EFL1: variants seen among roughly 807,000 people sequenced by gnomAD.
EFL1 encodes the protein elongation factor-like GTPase 1.
A neutral mutation model predicts 126.7 loss-of-function variants in EFL1; 76 were observed. The observed-to-expected ratio is 0.60, with a 90% CI of 0.50 to 0.73. EFL1 has a LOEUF of 0.73. Among genes scored for constraint, EFL1 ranks in the 30% least tolerant of loss-of-function variants. EFL1 has a pLI of 0.00. For synonymous variants in EFL1, 410 were observed against 448.4 expected (o/e 0.91, Z 1.08); for missense variants, 1,128 against 1,343.2 (o/e 0.84, Z 2.50).
chr15:82,235,513 C>A (rs1331671807), intron 7 of EFL1, among the ~76,000 whole-genome samples: 3 of 151,910 alleles, frequency 2.0e-5, no homozygotes, highest in Admixed American at 6.6e-5. Context: ...TATATAAAAT[C>A]TATAAAGAAA....
At chr15:82,174,966 A>G (rs2141253612) in intron 15 of EFL1, among the ~76,000 whole-genome samples, 1 of 152,366 alleles carries the variant, frequency 6.6e-6, no homozygotes, top group Admixed American at 6.5e-5. Context: ...ACAGTTGCTG[A>G]AAGAATATGT....
chr15:82,220,001 A>C lies in EFL1; in HGVS notation c.1444+77T>G, dbSNP rs1002261826. 7 of 1,515,240 alleles carry C rather than the reference A, an allele frequency of 4.6e-6. No individual in the cohort carries two copies. The African/African-American group carries it at 8.4e-5, about 18-fold the overall frequency. 93.9% of individuals were successfully genotyped at this position (1,515,240 alleles called of 1,614,324 possible). Reference sequence around the variant, plus strand: ...CTACGATTAAAGCTTAAAAATCTCAAGAACTAAAGGATGAGTGTCCCAAGT... The same window carrying C: ...CTACGATTAAAGCTTAAAAATCTCACGAACTAAAGGATGAGTGTCCCAAGT... On this transcript the variant is annotated intron_variant, in intron 13 of 19. Transcript: ENST00000268206.
At position 82,211,595 on chromosome 15, in the gene EFL1, G is replaced by GACACACACACACACACAC. The variant is rs10543301; in HGVS notation, c.1750+3104_1750+3121dup. Among the ~76,000 whole-genome samples the GACACACACACACACACAC allele has an allele frequency of 1.5e-3, 155 of 105,796 alleles. 9 individuals carry two copies. The East Asian group carries it at 0.02, about 14-fold the overall frequency. The allele number at this position is 105,796 out of a possible 152,430, so 69.4% of individuals were successfully genotyped here. A position where few individuals can be genotyped will look rare whatever the true frequency, so the allele number is the denominator to read the frequency against. ...ACACACACACACTAGACACATACTA[G>GACACACACACACACACAC]ACACACACACACACACACACACACT... On this transcript the variant is annotated intron_variant, in intron 15 of 19. Coordinates refer to ENST00000268206, the MANE Select transcript of EFL1 (RefSeq NM_024580.6).
At chr15:82,244,295 GT>G (rs2141330316) in intron 4 of EFL1, among the ~76,000 whole-genome samples, 1 of 152,216 alleles carries the variant, frequency 6.6e-6, no homozygotes, top group Admixed American at 6.5e-5. Flanking sequence ...TTTTGCGTGT[GT>G]GTGATCAAAT....
intron 19 of EFL1, 126 bp downstream of exon 19, chr15:82,138,532 T>A (rs2073749338): frequency 9.2e-7 from 1 of 1,085,724 alleles, no homozygotes. Flanking sequence ...TCCTGTCCAT[T>A]TGACTGAGTT....
intron 15 of EFL1, among the ~76,000 whole-genome samples, chr15:82,205,206 T>G (rs2074512122): frequency 6.6e-6 from 1 of 152,132 alleles, no homozygotes; most frequent in Admixed American, 6.6e-5. Flanking sequence ...CTCAAGACAG[T>G]CTTATATTTC....
At chr15:82,147,627 G>GAAAAAAAA (rs375857086) in intron 18 of EFL1, among the ~76,000 whole-genome samples, 3 of 83,962 alleles carry the variant, frequency 3.6e-5, no homozygotes, top group Admixed American at 2.9e-4. Context: ...GGGCAATAGT[G>GAAAAAAAA]AAAAAAAAAA....
intron 15 of EFL1, among the ~76,000 whole-genome samples, chr15:82,196,958 G>A (rs977933358): frequency 6.6e-6 from 1 of 151,754 alleles, no homozygotes; most frequent in African/African-American, 2.4e-5. Flanking sequence ...TTTCAACCCA[G>A]GAGTCAGAGA....
intron 15 of EFL1, among the ~76,000 whole-genome samples, chr15:82,164,826 G>A (rs1260865369): frequency 1.3e-5 from 2 of 151,844 alleles, no homozygotes; most frequent in Non-Finnish European, 2.9e-5. Context: ...GAACCTGGGA[G>A]GCGGGGGATG....
chr15:82,258,911 C>T (rs766750537), intron 3 of EFL1, among the ~76,000 whole-genome samples, 177 bp downstream of exon 3: 4 of 152,188 alleles, frequency 2.6e-5, no homozygotes, highest in Non-Finnish European at 4.4e-5. Flanking sequence ...CAAAGCAATA[C>T]AGAAGTAACT....
At chr15:82,232,138 G>C (rs761860345) in intron 7 of EFL1, among the ~76,000 whole-genome samples, 20 of 152,290 alleles carry the variant, frequency 1.3e-4, no homozygotes, top group Admixed American at 2.6e-4. Context: ...GAAACAATAG[G>C]AGGCAACCAC....
intron 15 of EFL1, among the ~76,000 whole-genome samples, chr15:82,190,216 T>C (rs1417965514): frequency 1.3e-5 from 2 of 152,224 alleles, no homozygotes; most frequent in Non-Finnish European, 2.9e-5. Context: ...ATTGAATCTG[T>C]TCCTCACTGC....
chr15:82,153,821 A>C (rs2073938957), intron 17 of EFL1, among the ~76,000 whole-genome samples: 1 of 152,236 alleles, frequency 6.6e-6, no homozygotes, highest in African/African-American at 2.4e-5. Flanking sequence ...TAAATATGCT[A>C]AATTGGCATT....
chr15:82,170,678 G>A (rs2074126510), intron 15 of EFL1, among the ~76,000 whole-genome samples: 2 of 152,166 alleles, frequency 1.3e-5, no homozygotes, highest in South Asian at 4.1e-4. Flanking sequence ...AAATTTAAGA[G>A]CTATTTTGGA....
intron 17 of EFL1, among the ~76,000 whole-genome samples, chr15:82,156,701 T>C (rs2141234354): frequency 6.6e-6 from 1 of 152,356 alleles, no homozygotes; most frequent in South Asian, 2.1e-4. Flanking sequence ...GTGACTGTTA[T>C]TTAATATATG....
chr15:82,164,769 C>T (rs772650953), intron 15 of EFL1, among the ~76,000 whole-genome samples: 2 of 151,738 alleles, frequency 1.3e-5, no homozygotes, highest in Admixed American at 6.6e-5. Flanking sequence ...TGGTGGTGGG[C>T]GCCTGTAGTC....
chr15:82,238,537 A>G lies in EFL1; in HGVS notation c.517-16T>C, dbSNP rs1272850607. The G allele has an allele frequency of 6.3e-7, 1 of 1,588,376 alleles. No homozygotes were observed. Among genetic ancestry groups the G allele is most frequent in the Non-Finnish European group, 8.6e-7 (1 of 1,162,072 alleles). Reference sequence around the variant, plus strand: ...GCGCATTAATCTAGGAGAGATGGTGAAATGGCAGAGCGTCATTCAGATGCT... The same window carrying G: ...GCGCATTAATCTAGGAGAGATGGTGGAATGGCAGAGCGTCATTCAGATGCT... On this transcript the variant is annotated splice_polypyrimidine_tract_variant and intron_variant, in intron 6 of 19. Transcript: ENST00000268206.
At chr15:82,235,625 A>G (rs1443516521) in intron 7 of EFL1, among the ~76,000 whole-genome samples, 2 of 152,208 alleles carry the variant, frequency 1.3e-5, no homozygotes, top group African/African-American at 4.8e-5. Flanking sequence ...AATACAGAAA[A>G]GGTATGTGAC....
intron 4 of EFL1, among the ~76,000 whole-genome samples, chr15:82,244,737 T>C (rs1385723919): frequency 1.3e-5 from 2 of 152,156 alleles, no homozygotes; most frequent in South Asian, 2.1e-4. Flanking sequence ...TAAAGTGCCA[T>C]GGATAATTGT....
Sources: allele counts gnomAD v4.1 joint callset (sites outside exome capture counted in the v4.1 genomes callset), GRCh38; gene constraint gnomAD v4.1.1; transcripts MANE v1.5; gene names NCBI Gene and HGNC (gene_info 2026-07-23, HGNC 2026-07-21).